The following PHF3 variants were observed in gnomAD, a reference collection of about 807,000 sequenced individuals.
PHF3 encodes PHD finger protein 3.
Under a neutral mutation model 178.4 loss-of-function variants are expected in PHF3, and 41 were observed. The ratio of observed to expected loss-of-function variants is 0.23; its 90% CI spans 0.18 to 0.30. The LOEUF (loss-of-function observed/expected upper bound fraction) is 0.30, where lower values mean the gene tolerates loss of function less well. PHF3 is among the 10% of genes least tolerant of loss of function. PHF3 has a pLI of 1.00. For missense variants in PHF3, 2,346 were observed against 2,398.1 expected, an observed-to-expected ratio of 0.98 and a Z score of 0.45; for synonymous variants, 842 against 800.5, an observed-to-expected ratio of 1.05 and a Z score of -0.88.
chr6:63,704,816 A>C (rs1005854426), intron 11 of PHF3, among the ~76,000 whole-genome samples: 2 of 152,164 alleles, frequency 1.3e-5, no homozygotes, highest in South Asian at 2.1e-4. Context: ...AGAAACCTCC[A>C]AACTATTTTT....
chr6:63,721,208 C>A lies in PHF3; in HGVS notation c.*7500C>A. On this transcript the variant is annotated 3_prime_UTR_variant, in exon 16 of 16. Coordinates refer to ENST00000262043, the MANE Select transcript of PHF3 (RefSeq NM_001370348.2). Reference sequence around the variant, plus strand: ...TTTCACAATACCTTCCCACCCAACCCAAAGTACACAGGCAACTGTAAGAAA... The same window carrying A: ...TTTCACAATACCTTCCCACCCAACCAAAAGTACACAGGCAACTGTAAGAAA... The A allele has an allele frequency of 6.4e-7, 1 of 1,551,664 alleles. No homozygotes were observed. Among genetic ancestry groups the A allele is most frequent in the South Asian group, 1.2e-5 (1 of 84,048 alleles).
At position 63,713,993 on chromosome 6, in the gene PHF3, A is replaced by G. The variant is rs1768095189; in HGVS notation, c.*285A>G. 3.9e-6 allele frequency: 1 copy of G among 257,702 alleles called. No individual in the cohort carries two copies. Among genetic ancestry groups the G allele is most frequent in the Non-Finnish European group, 7.3e-6 (1 of 137,856 alleles). The allele number at this position is 257,702 out of a possible 1,614,324, so 16.0% of individuals were successfully genotyped here. A position where few individuals can be genotyped will look rare whatever the true frequency, so the allele number is the denominator to read the frequency against. ...TTATTAATATGCAATAAAGGCTTAGAAATTTTAGTTTTATTCCTTAATTGG... is the reference window on the plus strand; with the variant it reads ...TTATTAATATGCAATAAAGGCTTAGGAATTTTAGTTTTATTCCTTAATTGG... On this transcript the variant is annotated 3_prime_UTR_variant, in exon 16 of 16. Coordinates refer to ENST00000262043, the MANE Select transcript of PHF3 (RefSeq NM_001370348.2).
chr6:63,684,767 G>A lies in PHF3; in HGVS notation c.1045G>A (p.Ala349Thr), dbSNP rs1355805973. 2 of 1,613,974 alleles carry A rather than the reference G, an allele frequency of 1.2e-6. No homozygotes were observed. Among genetic ancestry groups the A allele is most frequent in the East Asian group, 2.2e-5 (1 of 44,864 alleles). Residue 349 changes from alanine (A) to threonine (T), a missense_variant, in exon 4 of 16, where the codon GCT (alanine) becomes ACT (threonine). Physicochemically the swap from Ala to Thr is moderately conservative, Grantham distance 58. Around this residue, in one of 8 missense-constraint regions of PHF3, gnomAD observed 843 missense variants for 795.2 expected, o/e 1.06. Transcript: ENST00000262043. The part of the protein sequence containing the change: ...AGSSDISSDA[A>T]CTNPNKTENS... ...ATCTTCTGATATTTCTAGTGATGCT[G>A]CTTGTACAAATCCAAATAAGACAGA...
At chr6:63,682,508 T>C (rs982158663) in intron 3 of PHF3, among the ~76,000 whole-genome samples, 3 of 152,170 alleles carry the variant, frequency 2.0e-5, no homozygotes, top group African/African-American at 7.2e-5. Flanking sequence ...CCCGCTGTTA[T>C]AGCTTCAGTA....
intron 1 of PHF3, among the ~76,000 whole-genome samples, chr6:63,642,804 ATTTG>A (rs1764629751): frequency 6.6e-6 from 1 of 152,190 alleles, no homozygotes; most frequent in Non-Finnish European, 1.5e-5. Flanking sequence ...AAATTAGACA[ATTTG>A]TTTAATTAAC....
chr6:63,663,152 T>C (rs1765540188), intron 2 of PHF3, among the ~76,000 whole-genome samples: 1 of 152,182 alleles, frequency 6.6e-6, no homozygotes, highest in African/African-American at 2.4e-5. Flanking sequence ...GGAAGCAAAG[T>C]AAATAATAAA....
intron 2 of PHF3, among the ~76,000 whole-genome samples, chr6:63,669,178 A>G (rs59745934): frequency 0.033 from 5,095 of 152,330 alleles, 145 homozygotes; most frequent in South Asian, 0.11. Context: ...GATTTAGGGA[A>G]ATAATTATTG....
chr6:63,668,347 C>CT lies in PHF3; in HGVS notation c.245-11645dup, dbSNP rs1383426630. 5.3e-5 allele frequency among the ~76,000 whole-genome samples: 8 copies of CT among 151,852 alleles called. No homozygotes were observed. In the South Asian group the frequency reaches 6.2e-4, roughly 12 times the overall value. ...TTTTTTGGCTTCCTCCTCCCTCCCC[C>CT]TTTTTTTTGAGACAGGCTCTCTATT... On this transcript the variant is annotated intron_variant, in intron 2 of 15. Coordinates refer to ENST00000262043, the MANE Select transcript of PHF3 (RefSeq NM_001370348.2).
rs1768591548 is a variant in PHF3, at chr6:63,725,791, T to A, written c.*12083T>A. Among the ~76,000 whole-genome samples the A allele has an allele frequency of 6.6e-6, 1 of 152,164 alleles. No individual in the cohort carries two copies. Among genetic ancestry groups the A allele is most frequent in the African/African-American group, 2.4e-5 (1 of 41,448 alleles). ...ATCATTAGAGCACCATTTTTGCTAA[T>A]GATGTGAAATTTAGCAAATGTAATT... is the stretch of plus-strand genomic sequence containing the variant. On this transcript the variant is annotated 3_prime_UTR_variant, in exon 16 of 16. Coordinates refer to ENST00000262043, the MANE Select transcript of PHF3 (RefSeq NM_001370348.2).
intron 8 of PHF3, among the ~76,000 whole-genome samples, 173 bp from the exon 9 acceptor site, chr6:63,700,176 CT>C (rs1159764719): frequency 6.6e-6 from 1 of 152,056 alleles, no homozygotes; most frequent in African/African-American, 2.4e-5. Flanking sequence ...GTTTTGCTGC[CT>C]TAAATTCCTA....
rs1764318217 is a variant in PHF3 at position 63,636,102 on chromosome 6, C to T, written c.-74C>T. On this transcript the variant is annotated 5_prime_UTR_variant, in exon 1 of 16. Transcript: ENST00000262043. ...CCTCCTCTTCGGCGGCGGCAGCGTC[C>T]ACCATCTTCCTCTTGCTGCCAGTGG... 5.1e-6 allele frequency: 2 copies of T among 392,152 alleles called. No homozygotes were observed. The highest frequency in any genetic ancestry group is 4.4e-5 in the Admixed American group (1 of 22,500). 24.3% of individuals were successfully genotyped at this position (392,152 alleles called of 1,614,324 possible). A position where few individuals can be genotyped will look rare whatever the true frequency, so the allele number is the denominator to read the frequency against.
rs769508020 is a variant in PHF3, at chr6:63,713,110, C to G, written c.5522C>G (p.Pro1841Arg). ...CCACATTTGCCACCTCCATTACTTCCCCCTCCAGGCTTTGGCTTTGCTCAA... is the reference window on the plus strand; with the variant it reads ...CCACATTTGCCACCTCCATTACTTCGCCCTCCAGGCTTTGGCTTTGCTCAA... ...FPPHLPPPLLPPPGFGFAQNP... is the reference protein window; with the variant it reads ...FPPHLPPPLLRPPGFGFAQNP... The change falls in exon 16 of 16, where the codon CCC (proline) becomes CGC (arginine). Residue 1841 changes from proline (P) to arginine (R), a missense_variant. Pro to Arg is a moderately radical substitution (Grantham distance 103, BLOSUM62 -2). Coordinates refer to ENST00000262043, the MANE Select transcript of PHF3 (RefSeq NM_001370348.2). 6.2e-7 allele frequency: 1 copy of G among 1,614,060 alleles called. No homozygotes were observed. Among genetic ancestry groups the G allele is most frequent in the South Asian group, 1.1e-5 (1 of 91,084 alleles).
chr6:63,714,629 G>A lies in PHF3; in HGVS notation c.*921G>A, dbSNP rs61606312. On this transcript the variant is annotated 3_prime_UTR_variant, in exon 16 of 16. Transcript: ENST00000262043. ...TTTAAAATCTTAAATTGTAGGCTGA[G>A]ATGAATTGTGTAGTTCTAAAGAGGC... 0.076 allele frequency: 11,621 copies of A among 152,248 alleles called. 523 individuals are homozygous for A. The highest frequency in any genetic ancestry group is 0.16 in the East Asian group (847 of 5,154). 9.4% of individuals were successfully genotyped at this position (152,248 alleles called of 1,614,324 possible).
At chr6:63,690,047 T>G (rs1196019134) in intron 4 of PHF3, among the ~76,000 whole-genome samples, 2 of 152,160 alleles carry the variant, frequency 1.3e-5, no homozygotes, top group Non-Finnish European at 2.9e-5. Flanking sequence ...TTTTAATATT[T>G]TAGCTTTGCA....
Position 63,706,889 on chromosome 6 carries a change from T to C in PHF3, c.3711+13T>C. 1 of 1,610,962 alleles carries C rather than the reference T, an allele frequency of 6.2e-7. No homozygotes were observed. The highest frequency in any genetic ancestry group is 8.5e-7 in the Non-Finnish European group (1 of 1,178,466). ...ATACCTGACAGAGGTACTGTGAACT[T>C]TTCTGCTTTTCTGTGCATGAATTGA... On this transcript the variant is annotated intron_variant, in intron 13 of 15. Transcript: ENST00000262043.
rs1326546845 is a variant in PHF3 at position 63,721,748 on chromosome 6, G to A, written c.*8040G>A. 1 of 1,550,594 alleles carries A rather than the reference G, an allele frequency of 6.4e-7. No homozygotes were observed. Among genetic ancestry groups the A allele is most frequent in the Non-Finnish European group, 8.7e-7 (1 of 1,146,140 alleles). ...GAATGATAGTTCTGTCGCCAAGGTT[G>A]TAGCGAAGTTGAACGGAACTATTTA... On this transcript the variant is annotated 3_prime_UTR_variant, in exon 16 of 16. Coordinates refer to ENST00000262043, the MANE Select transcript of PHF3 (RefSeq NM_001370348.2).
At chr6:63,658,381 T>TA (rs1765325336) in intron 2 of PHF3, among the ~76,000 whole-genome samples, 1 of 152,190 alleles carries the variant, frequency 6.6e-6, no homozygotes, top group Non-Finnish European at 1.5e-5. Flanking sequence ...TACAGGTTTT[T>TA]ACCTTCTGTT....
At chr6:63,709,032 A>T in intron 13 of PHF3, 119 bp from the exon 14 acceptor site, 1 of 547,552 alleles carries the variant, frequency 1.8e-6, no homozygotes, top group Non-Finnish European at 3.1e-6. Context: ...TAATCTCTTT[A>T]TTTACTTGTT....
intron 5 of PHF3, among the ~76,000 whole-genome samples, chr6:63,693,988 G>C (rs925258323): frequency 1.3e-5 from 2 of 152,216 alleles, no homozygotes; most frequent in Admixed American, 6.5e-5. Flanking sequence ...TTAGTCTAGA[G>C]AAAAGCACTA....
Sources: allele counts gnomAD v4.1 joint callset (sites outside exome capture counted in the v4.1 genomes callset), GRCh38; gene constraint gnomAD v4.1.1; regional missense constraint gnomAD v4.1.1; transcripts MANE v1.5; gene names NCBI Gene and HGNC (gene_info 2026-07-23, HGNC 2026-07-21).